CRB1: variants seen among roughly 807,000 people sequenced by gnomAD.
CRB1 encodes protein crumbs homolog 1.
A neutral mutation model predicts 120.0 loss-of-function variants in CRB1; 83 were observed. That is an observed-to-expected ratio of 0.69 (90% CI 0.58 to 0.83). The LOEUF is 0.83. Ranked by LOEUF, CRB1 falls within the 40% of genes least tolerant of loss-of-function variation. CRB1 has a pLI of 0.00. For missense variants in CRB1, 1,699 were observed against 1,687.6 expected, an observed-to-expected ratio of 1.01 and a Z score of -0.12; for synonymous variants, 625 against 612.5, an observed-to-expected ratio of 1.02 and a Z score of -0.30.
chr1:197,299,984 T>A (rs1419376292), intron 1 of CRB1, among the ~76,000 whole-genome samples: 1 of 151,876 alleles, frequency 6.6e-6, no homozygotes, highest in East Asian at 1.9e-4. Context: ...TGATCAATGA[T>A]CTTTGATGTT....
chr1:197,268,348 G>T lies in CRB1; in HGVS notation c.-65G>T. 1 of 1,191,744 alleles carries T rather than the reference G, an allele frequency of 8.4e-7. No individual in the cohort carries two copies. The highest frequency in any genetic ancestry group is 1.2e-5 in the South Asian group (1 of 82,316). 73.8% of individuals were successfully genotyped at this position (1,191,744 alleles called of 1,614,324 possible). A position where few individuals can be genotyped will look rare whatever the true frequency, so the allele number is the denominator to read the frequency against. The stretch of plus-strand genomic sequence containing the variant: ...CCCGCTCCTCTCTGAGACAGACAGG[G>T]ATCAGGAGCCGGACTGGGACCAGAC... On this transcript the variant is annotated 5_prime_UTR_variant, in exon 1 of 12. Transcript: ENST00000367400.
intron 11 of CRB1, among the ~76,000 whole-genome samples, chr1:197,452,164 C>T (rs777241966): frequency 1.3e-5 from 2 of 152,090 alleles, no homozygotes; most frequent in Non-Finnish European, 2.9e-5. Flanking sequence ...ACAAGTATCC[C>T]GGTCTGTCAA....
chr1:197,363,373 T>C (rs1374432936), intron 5 of CRB1, among the ~76,000 whole-genome samples: 1 of 152,156 alleles, frequency 6.6e-6, no homozygotes, highest in African/African-American at 2.4e-5. Flanking sequence ...CTTTAGCCAT[T>C]CTATGAGGGT....
At chr1:197,237,749 T>G in the CRB1 span, among the ~76,000 whole-genome samples, 2 of 152,202 alleles carry the variant, frequency 1.3e-5, no homozygotes, top group Admixed American at 6.5e-5. Context: ...TTCTCTCTTT[T>G]TAAATACATG....
the CRB1 span, among the ~76,000 whole-genome samples, chr1:197,244,615 C>CT: frequency 6.6e-6 from 1 of 151,884 alleles, no homozygotes; most frequent in Non-Finnish European, 1.5e-5. Context: ...ATTTTCAAAA[C>CT]TTTGTCAATA....
Position 197,427,551 on chromosome 1 carries a change from T to C in CRB1, c.2226T>C (p.Phe742=), listed in dbSNP as rs1664649939. The C allele has an allele frequency of 2.5e-6, 4 of 1,614,026 alleles. No individual in the cohort carries two copies. Among genetic ancestry groups the C allele is most frequent in the Non-Finnish European group, 3.4e-6 (4 of 1,179,962 alleles). The change falls in exon 7 of 12, where the codon TTT becomes TTC. Residue 742 remains phenylalanine (F), a synonymous_variant. Coordinates refer to ENST00000367400, the MANE Select transcript of CRB1 (RefSeq NM_201253.3). ...SYGDTISLSM[F]VRTLQPSGLL... ...GAGACACCATCAGCCTCTCCATGTT[T>C]GTCCGAACGCTTCAACCATCAGGCT...
At chr1:197,354,102 AT>A (rs1254674581) in intron 4 of CRB1, among the ~76,000 whole-genome samples, 2 of 152,028 alleles carry the variant, frequency 1.3e-5, no homozygotes, top group Non-Finnish European at 2.9e-5. Flanking sequence ...GTGAGATACT[AT>A]ATTTTATCCA....
At chr1:197,411,904 C>T (rs754171516) in intron 5 of CRB1, among the ~76,000 whole-genome samples, 11 of 152,082 alleles carry the variant, frequency 7.2e-5, no homozygotes, top group Non-Finnish European at 1.3e-4. Flanking sequence ...GTTATTTTTC[C>T]TGATCCTCTC....
the CRB1 span, among the ~76,000 whole-genome samples, chr1:197,261,011 T>TA: frequency 6.6e-6 from 1 of 152,160 alleles, no homozygotes; most frequent in East Asian, 1.9e-4. Flanking sequence ...TAAAAATTTT[T>TA]AAAGAGTTAA....
intron 5 of CRB1, among the ~76,000 whole-genome samples, chr1:197,410,519 A>G (rs2125449699): frequency 6.6e-6 from 1 of 152,332 alleles, no homozygotes; most frequent in South Asian, 2.1e-4. Flanking sequence ...AACATTTGAT[A>G]AGCACCTATG....
chr1:197,367,894 C>A (rs752569108), intron 5 of CRB1, among the ~76,000 whole-genome samples: 24 of 152,302 alleles, frequency 1.6e-4, no homozygotes, highest in Non-Finnish European at 3.1e-4. Flanking sequence ...GGTTTCTTAA[C>A]AATAAACACC....
At chr1:197,470,210 A>C (rs1385440252) in intron 11 of CRB1, among the ~76,000 whole-genome samples, 1 of 152,212 alleles carries the variant, frequency 6.6e-6, no homozygotes, top group Non-Finnish European at 1.5e-5. Flanking sequence ...GGGAACAAGG[A>C]AGGCAAATAT....
Position 197,435,437 on chromosome 1 carries a change from T to C in CRB1, c.3574T>C (p.Ser1192Pro), listed in dbSNP as rs1665106592. 6.3e-7 allele frequency: 1 copy of C among 1,595,900 alleles called. No homozygotes were observed. The highest frequency in any genetic ancestry group is 1.3e-5 in the African/African-American group (1 of 74,384). The change falls in exon 9 of 12, where the codon TCT becomes CCT. Residue 1192 changes from serine to proline, a missense_variant. Physicochemically the swap from Ser to Pro is moderately conservative, Grantham distance 74 (BLOSUM62 -1). Coordinates refer to ENST00000367400, the MANE Select transcript of CRB1 (RefSeq NM_201253.3). ...AAACCCCTGTATCCATGGCAACTGC[T>C]CTGACAGAGTTGCAGCCTACCACTG... ...FSNPCIHGNC[S>P]DRVAAYHCTC...
intron 5 of CRB1, among the ~76,000 whole-genome samples, chr1:197,385,100 A>G (rs1662144444): frequency 6.6e-6 from 1 of 152,130 alleles, no homozygotes; most frequent in South Asian, 2.1e-4. Context: ...TTGTTTCTGA[A>G]AAAAGGGAAT....
intron 1 of CRB1, among the ~76,000 whole-genome samples, chr1:197,279,681 G>A (rs987669748): frequency 6.6e-6 from 1 of 151,464 alleles, no homozygotes; most frequent in Admixed American, 6.6e-5. Flanking sequence ...TAGAACTAAG[G>A]CAAAGTTTGC....
chr1:197,468,201 C>A (rs1161761319), intron 11 of CRB1, among the ~76,000 whole-genome samples: 1 of 152,038 alleles, frequency 6.6e-6, no homozygotes, highest in African/African-American at 2.4e-5. Flanking sequence ...AGAAACTTAG[C>A]GATCCCATGA....
the CRB1 span, among the ~76,000 whole-genome samples, chr1:197,257,472 T>C: frequency 6.6e-6 from 1 of 152,158 alleles, no homozygotes; most frequent in Non-Finnish European, 1.5e-5. Context: ...CAATTGGTCC[T>C]CATCTACTTG....
At chr1:197,406,264 C>T (rs1272252218) in intron 5 of CRB1, among the ~76,000 whole-genome samples, 2 of 152,168 alleles carry the variant, frequency 1.3e-5, no homozygotes, top group Non-Finnish European at 2.9e-5. Flanking sequence ...TCTTCTTGAT[C>T]TGTGACCTTA....
chr1:197,230,733 A>G, the CRB1 span, among the ~76,000 whole-genome samples: 2 of 152,204 alleles, frequency 1.3e-5, no homozygotes, highest in Non-Finnish European at 2.9e-5. Flanking sequence ...TCAGAGAAAA[A>G]GAAGTCCCAG....
Sources: gnomAD v4.1 joint callset for allele counts (sites outside exome capture counted in the v4.1 genomes callset) on GRCh38, gnomAD v4.1.1 for gene constraint, MANE v1.5 for transcripts, NCBI Gene and HGNC (gene_info 2026-07-23, HGNC 2026-07-21) for gene names.